Variants in OXCT1 observed in about 807,000 individuals in gnomAD.
OXCT1 encodes 3-oxoacid CoA-transferase 1, also known as succinyl-CoA:3-ketoacid coenzyme A transferase 1, mitochondrial.
In OXCT1, 27 loss-of-function variants were observed where a neutral mutation model predicts 69.6. That is an observed-to-expected ratio of 0.39 (90% CI 0.29 to 0.54). The LOEUF (loss-of-function observed/expected upper bound fraction) is 0.54, where lower values mean the gene tolerates loss of function less well. Among genes scored for constraint, OXCT1 ranks in the 20% least tolerant of loss-of-function variants. The probability of loss-of-function intolerance (pLI) is 0.72; values close to 1 mark genes in which losing one functional copy is unlikely to be tolerated. For synonymous variants in OXCT1, 202 were observed against 217.8 expected, an observed-to-expected ratio of 0.93 and a Z score of 0.64; for missense variants, 437 against 650.2, an observed-to-expected ratio of 0.67 and a Z score of 3.57.
At position 41,796,032 on chromosome 5, in the gene OXCT1, A is replaced by G. The variant is rs567896264; in HGVS notation, c.1100-1283T>C. Among the ~76,000 whole-genome samples, 16 of 152,220 alleles carry G rather than the reference A, an allele frequency of 1.1e-4. No individual in the cohort carries two copies. The South Asian group carries it at 3.3e-3, about 32-fold the overall frequency. On this transcript the variant is annotated intron_variant, in intron 11 of 16. Transcript: ENST00000196371. ...GTACTCTCTTGCCCCATAAGCTTCT[A>G]TTAAAACCACAGGATTTTCATAAAA...
At chr5:41,752,610 A>C (rs997138972) in intron 14 of OXCT1, among the ~76,000 whole-genome samples, 1 of 152,012 alleles carries the variant, frequency 6.6e-6, no homozygotes, top group African/African-American at 2.4e-5. Context: ...AAAGTTAGCC[A>C]GTTGTGTCTG....
chr5:41,856,302 G>A (rs1749426499), intron 3 of OXCT1, among the ~76,000 whole-genome samples: 1 of 152,146 alleles, frequency 6.6e-6, no homozygotes, highest in Non-Finnish European at 1.5e-5. Flanking sequence ...TCCTGATGAA[G>A]CTGCAGACCC....
chr5:41,768,622 C>G (rs1383652939), intron 13 of OXCT1, among the ~76,000 whole-genome samples: 1 of 152,086 alleles, frequency 6.6e-6, no homozygotes, highest in Non-Finnish European at 1.5e-5. Flanking sequence ...TCCAATCAGT[C>G]GCTCAACTAC....
intron 5 of OXCT1, among the ~76,000 whole-genome samples, chr5:41,844,743 A>G (rs969519669): frequency 1.4e-4 from 21 of 151,972 alleles, no homozygotes; most frequent in Non-Finnish European, 2.8e-4. Context: ...CATCTTACAC[A>G]GTATGCTTGA....
At chr5:41,779,852 C>G (rs536719788) in intron 13 of OXCT1, among the ~76,000 whole-genome samples, 1 of 151,646 alleles carries the variant, frequency 6.6e-6, no homozygotes, top group East Asian at 1.9e-4. Flanking sequence ...GAAATCAAAA[C>G]TGAAATTACA....
intron 16 of OXCT1, among the ~76,000 whole-genome samples, chr5:41,732,251 C>T (rs1347072091): frequency 1.3e-5 from 2 of 152,058 alleles, no homozygotes; most frequent in Admixed American, 1.3e-4. Context: ...GACGTATGAT[C>T]AATGATAAAT....
intron 5 of OXCT1, among the ~76,000 whole-genome samples, chr5:41,844,690 C>A (rs1351701094): frequency 6.6e-6 from 1 of 152,068 alleles, no homozygotes; most frequent in South Asian, 2.1e-4. Flanking sequence ...CTCCAATGCA[C>A]CATGTTCCAA....
intron 8 of OXCT1, among the ~76,000 whole-genome samples, chr5:41,806,758 T>C (rs1746699716): frequency 6.6e-6 from 1 of 152,076 alleles, no homozygotes; most frequent in Non-Finnish European, 1.5e-5. Context: ...AACAAACTTC[T>C]TTATAAATTA....
intron 7 of OXCT1, among the ~76,000 whole-genome samples, chr5:41,818,765 C>T (rs896158408): frequency 3.9e-5 from 6 of 151,934 alleles, no homozygotes; most frequent in African/African-American, 1.5e-4. Context: ...CATGGAAAAA[C>T]GTGTTTATAA....
At position 41,844,603 on chromosome 5, in the gene OXCT1, A is replaced by G. The variant is rs145187435; in HGVS notation, c.565-1822T>C. 3.6e-3 allele frequency among the ~76,000 whole-genome samples: 546 copies of G among 152,012 alleles called. 9 individuals carry two copies. Among genetic ancestry groups the G allele is most frequent in the African/African-American group, 0.012 (509 of 41,448 alleles). On this transcript the variant is annotated intron_variant, in intron 5 of 16. Coordinates refer to ENST00000196371, the MANE Select transcript of OXCT1 (RefSeq NM_000436.4). ...TTAAATACTATATGCTGATGCCTCCAAAGTCTCTATCCTGGCTCTAGACTC... is the reference window on the plus strand; with the variant it reads ...TTAAATACTATATGCTGATGCCTCCGAAGTCTCTATCCTGGCTCTAGACTC...
In OXCT1 at chr5:41,762,023, T is replaced by C. The variant is rs1744373304; in HGVS notation, c.1338+88A>G. 6.9e-6 allele frequency: 6 copies of C among 865,206 alleles called. No homozygotes were observed. Among genetic ancestry groups the C allele is most frequent in the Non-Finnish European group, 1.2e-5 (6 of 496,508 alleles). The allele number at this position is 865,206 out of a possible 1,614,324, so 53.6% of individuals were successfully genotyped here. On this transcript the variant is annotated intron_variant, in intron 14 of 16. Transcript: ENST00000196371. The surrounding 1 kb of genome is among the most constrained non-coding windows in gnomAD (Gnocchi z 4.0). ...CTTGAATGAGCCAGAGAAAATAAAA[T>C]CCACAGTTAGGTGACCTGGTGGTAC...
intron 15 of OXCT1, among the ~76,000 whole-genome samples, chr5:41,743,032 T>C (rs1269386892): frequency 2.0e-5 from 3 of 152,210 alleles, no homozygotes; most frequent in Non-Finnish European, 4.4e-5. Context: ...TTTCTAATTC[T>C]AGATCCTTGA....
At chr5:41,796,121 G>A (rs1452350107) in intron 11 of OXCT1, among the ~76,000 whole-genome samples, 1 of 152,126 alleles carries the variant, frequency 6.6e-6, no homozygotes, top group Admixed American at 6.5e-5. Flanking sequence ...GGTCCCCTTG[G>A]AAGGACATCT....
At chr5:41,810,147 T>G (rs1746897170) in intron 7 of OXCT1, among the ~76,000 whole-genome samples, 1 of 151,910 alleles carries the variant, frequency 6.6e-6, no homozygotes. Flanking sequence ...CTGACTTCAG[T>G]GCCAGTTTCG....
At chr5:41,756,148 T>C (rs1744060339) in intron 14 of OXCT1, among the ~76,000 whole-genome samples, 2 of 152,102 alleles carry the variant, frequency 1.3e-5, no homozygotes, top group Admixed American at 6.6e-5. Context: ...AGACCTCCTA[T>C]TGTAATACAA....
Position 41,844,927 on chromosome 5 carries a change from C to CTCT in OXCT1, c.565-2149_565-2147dup, listed in dbSNP as rs550789251. On this transcript the variant is annotated intron_variant, in intron 5 of 16. Transcript: ENST00000196371. ...CCTAAACCCTCTCTCGCTGCTTCTGCTCTTGGCTTCCTAGCAAAAAAAAAA... is the reference window on the plus strand; with the variant it reads ...CCTAAACCCTCTCTCGCTGCTTCTGCTCTTCTTGGCTTCCTAGCAAAAAAAAAA... 7.7e-4 allele frequency among the ~76,000 whole-genome samples: 115 copies of CTCT among 150,132 alleles called. 1 individual carries two copies. The highest frequency in any genetic ancestry group is 2.7e-3 in the African/African-American group (111 of 40,712).
chr5:41,818,918 C>T (rs1195208101), intron 7 of OXCT1, among the ~76,000 whole-genome samples: 1 of 140,068 alleles, frequency 7.1e-6, no homozygotes, highest in Non-Finnish European at 1.6e-5. Context: ...AAAAGTGACT[C>T]GTTTAAAAAA....
intron 15 of OXCT1, among the ~76,000 whole-genome samples, chr5:41,744,187 C>T (rs368439688): frequency 6.6e-6 from 1 of 152,114 alleles, no homozygotes; most frequent in East Asian, 1.9e-4. Context: ...CCTTCAGGTC[C>T]CTTGTAAGTT....
intron 13 of OXCT1, among the ~76,000 whole-genome samples, chr5:41,764,364 T>C (rs1026361462): frequency 1.3e-5 from 2 of 152,130 alleles, no homozygotes; most frequent in Non-Finnish European, 2.9e-5. Context: ...AAACGTGTAA[T>C]AAATAGAGTT....
Sources: allele counts gnomAD v4.1 joint callset (sites outside exome capture counted in the v4.1 genomes callset), GRCh38; gene constraint gnomAD v4.1.1; non-coding constraint Gnocchi (gnomAD v3.1); transcripts MANE v1.5; gene names NCBI Gene and HGNC (gene_info 2026-07-23, HGNC 2026-07-21).